KAZN: variants seen among roughly 807,000 people sequenced by gnomAD.
KAZN encodes kazrin.
KAZN carries 40 observed loss-of-function variants against 87.4 expected under a neutral mutation model. The observed-to-expected ratio is 0.46, with a 90% confidence interval of 0.36 to 0.60. KAZN has a LOEUF of 0.60. KAZN is among the 20% of genes least tolerant of loss of function. The pLI, the probability that KAZN is intolerant of heterozygous loss-of-function variation, is 0.00. For missense variants in KAZN, 898 were observed against 1,073.9 expected (o/e 0.84, Z 2.29); for synonymous variants, 466 against 458.3 (o/e 1.02, Z -0.22).
chr1:14,878,760 T>C (rs1468123271), intron 1 of KAZN, among the ~76,000 whole-genome samples: 1 of 152,222 alleles, frequency 6.6e-6, no homozygotes, highest in Non-Finnish European at 1.5e-5. Context: ...CCCTCTCCCT[T>C]GCCAGTTTCC....
chr1:13,930,713 GT>G (rs1359821411), intron 1 of KAZN, among the ~76,000 whole-genome samples: 2 of 152,200 alleles, frequency 1.3e-5, no homozygotes, highest in East Asian at 3.8e-4. Flanking sequence ...ATTGGAGAAG[GT>G]TTTACCAAGG....
chr1:14,626,434 T>C (rs1679144538), intron 1 of KAZN, among the ~76,000 whole-genome samples: 1 of 152,182 alleles, frequency 6.6e-6, no homozygotes, highest in Non-Finnish European at 1.5e-5. Context: ...CAGCCCATTG[T>C]GTTGTTTGGT....
intron 1 of KAZN, among the ~76,000 whole-genome samples, chr1:14,677,647 G>A (rs1557882653): frequency 1.3e-5 from 2 of 152,152 alleles, no homozygotes; most frequent in African/African-American, 2.4e-5. Flanking sequence ...AATCAGCTTT[G>A]CAATCACATC....
At chr1:14,807,751 A>C (rs1646268599) in intron 1 of KAZN, among the ~76,000 whole-genome samples, 1 of 152,146 alleles carries the variant, frequency 6.6e-6, no homozygotes, top group South Asian at 2.1e-4. Flanking sequence ...CCTGGGTGAC[A>C]GAGTAAGACC....
At chr1:14,141,765 A>G (rs896453157) in intron 1 of KAZN, among the ~76,000 whole-genome samples, 1 of 152,166 alleles carries the variant, frequency 6.6e-6, no homozygotes, top group Non-Finnish European at 1.5e-5. Context: ...TACTGAATGC[A>G]ATTTTTTTAA....
chr1:14,393,862 A>C (rs1359027781), intron 2 of KAZN, among the ~76,000 whole-genome samples: 1 of 149,488 alleles, frequency 6.7e-6, no homozygotes, highest in Non-Finnish European at 1.5e-5. Context: ...AAAAAAAAAA[A>C]GTCATGAAAA....
At chr1:14,001,424 C>T (rs1217872765) in intron 1 of KAZN, among the ~76,000 whole-genome samples, 1 of 152,174 alleles carries the variant, frequency 6.6e-6, no homozygotes, top group Non-Finnish European at 1.5e-5. Context: ...AATGGCCATA[C>T]TGCCCAAAGG....
chr1:13,932,940 G>A (rs1028042411), intron 1 of KAZN, among the ~76,000 whole-genome samples: 2 of 152,042 alleles, frequency 1.3e-5, no homozygotes, highest in Admixed American at 6.6e-5. Flanking sequence ...TTTTTTGGGG[G>A]AATAATTTTA....
At chr1:14,113,294 C>T (rs1644538627) in intron 1 of KAZN, among the ~76,000 whole-genome samples, 1 of 152,204 alleles carries the variant, frequency 6.6e-6, no homozygotes, top group South Asian at 2.1e-4. Context: ...CAGAGATGTT[C>T]AGTGGCAAAT....
chr1:13,996,152 G>A (rs1336747480), intron 1 of KAZN, among the ~76,000 whole-genome samples: 1 of 152,200 alleles, frequency 6.6e-6, no homozygotes, highest in Non-Finnish European at 1.5e-5. Context: ...GGCAGTGAGT[G>A]AGCGTGCTAC....
chr1:14,226,523 C>A (rs187605854), intron 2 of KAZN, among the ~76,000 whole-genome samples: 1 of 152,078 alleles, frequency 6.6e-6, no homozygotes, highest in Non-Finnish European at 1.5e-5. Flanking sequence ...AATAGAACTA[C>A]GATTCAACCC....
chr1:14,754,640 A>G (rs1015959603), intron 1 of KAZN, among the ~76,000 whole-genome samples: 8 of 152,144 alleles, frequency 5.3e-5, no homozygotes, highest in African/African-American at 1.9e-4. Context: ...CTAAAATTTA[A>G]AAAAATTCAA....
At chr1:15,034,005 G>C (rs1022294533) in intron 2 of KAZN, among the ~76,000 whole-genome samples, 57 of 152,290 alleles carry the variant, frequency 3.7e-4, no homozygotes, top group Non-Finnish European at 6.6e-4. Context: ...CTCCCAAATT[G>C]CTGGGATTAC....
At chr1:14,092,488 C>T (rs1644022045) in intron 1 of KAZN, among the ~76,000 whole-genome samples, 1 of 151,204 alleles carries the variant, frequency 6.6e-6, no homozygotes, top group African/African-American at 2.4e-5. Flanking sequence ...ACACAACACA[C>T]ACATATTTTC....
At chr1:13,895,924 A>G (rs2100823698) in intron 1 of KAZN, among the ~76,000 whole-genome samples, 1 of 152,218 alleles carries the variant, frequency 6.6e-6, no homozygotes, top group East Asian at 1.9e-4. Context: ...GTGACTTTTC[A>G]ATGATACCAT....
At chr1:14,842,479 G>T (rs1648136707) in intron 1 of KAZN, among the ~76,000 whole-genome samples, 3 of 152,208 alleles carry the variant, frequency 2.0e-5, no homozygotes, top group South Asian at 2.1e-4. Context: ...CTGGGCAGGG[G>T]CATTCTCTCC....
chr1:14,426,499 A>C (rs1665733112), intron 2 of KAZN, among the ~76,000 whole-genome samples: 1 of 152,188 alleles, frequency 6.6e-6, no homozygotes, highest in Non-Finnish European at 1.5e-5. Context: ...ATTGGTTATT[A>C]AGTGTTCATG....
rs751395919 is a variant in KAZN at position 14,054,272 on chromosome 1, T to G, written c.92-126163T>G. Among the ~76,000 whole-genome samples the G allele has an allele frequency of 5.8e-4, 89 of 152,214 alleles. 4 individuals are homozygous for G. Among genetic ancestry groups the G allele is most frequent in the Non-Finnish European group, 2.9e-4 (20 of 68,028 alleles). ...CATTATTACATACTTACTGTTATAT[T>G]CATTTCAATTCTGATTAAAAAAGAT... On this transcript the variant is annotated intron_variant, in intron 1 of 16. Transcript: ENST00000636203.
At chr1:14,063,809 A>G (rs1427611597) in intron 1 of KAZN, among the ~76,000 whole-genome samples, 1 of 152,016 alleles carries the variant, frequency 6.6e-6, no homozygotes, top group Non-Finnish European at 1.5e-5. Context: ...GTCTCATGAG[A>G]TCTGATGATT....
Sources: allele counts gnomAD v4.1 joint callset (sites outside exome capture counted in the v4.1 genomes callset), GRCh38; gene constraint gnomAD v4.1.1; transcripts MANE v1.5; gene names NCBI Gene and HGNC (gene_info 2026-07-23, HGNC 2026-07-21).